VAMP7: variants seen among roughly 807,000 people sequenced by gnomAD.
VAMP7 encodes the protein vesicle associated membrane protein 7.
VAMP7 carries 14 observed loss-of-function variants against 29.6 expected under a neutral mutation model. That is an observed-to-expected ratio of 0.47 (90% CI 0.31 to 0.74). VAMP7 has a LOEUF of 0.74. Among genes scored for constraint, VAMP7 ranks in the 30% least tolerant of loss-of-function variants. VAMP7 has a pLI of 0.05. For missense variants in VAMP7, 223 were observed against 262.4 expected, an observed-to-expected ratio of 0.85 and a Z score of 1.04; for synonymous variants, 95 against 88.1, an observed-to-expected ratio of 1.08 and a Z score of -0.44.
At chrX:155,882,692 T>C (rs1029752444) in intron 1 of VAMP7, among the ~76,000 whole-genome samples, 1 of 152,214 alleles carries the variant, frequency 6.6e-6, no homozygotes, top group Non-Finnish European at 1.5e-5. Context: ...ATAGTTTGGT[T>C]GTGAAAATAT....
At chrX:155,938,899 G>T (rs1159552853) in intron 6 of VAMP7, among the ~76,000 whole-genome samples, 3 of 152,170 alleles carry the variant, frequency 2.0e-5, no homozygotes, top group African/African-American at 7.2e-5. Flanking sequence ...TTCATCTGTG[G>T]TAAATTGTAT....
intron 5 of VAMP7, among the ~76,000 whole-genome samples, chrX:155,903,120 T>G (rs1050466990): frequency 1.2e-4 from 19 of 152,222 alleles, no homozygotes; most frequent in East Asian, 3.9e-4. Context: ...GTCGAGGAAT[T>G]TATCCATTTC....
At chrX:155,934,404 T>G (rs776155239) in intron 6 of VAMP7, among the ~76,000 whole-genome samples, 2 of 152,318 alleles carry the variant, frequency 1.3e-5, no homozygotes, top group African/African-American at 4.8e-5. Context: ...TGCATAAATA[T>G]TTAGGATAGT....
intron 6 of VAMP7, among the ~76,000 whole-genome samples, chrX:155,930,216 C>T (rs2066527951): frequency 6.6e-6 from 1 of 152,172 alleles, no homozygotes; most frequent in African/African-American, 2.4e-5. Context: ...TGCCCTCTGG[C>T]TTGATCTCAG....
At position 155,941,900 on chromosome X, in the gene VAMP7, T is replaced by C. The variant is rs2066749039; in HGVS notation, c.612T>C (p.Ile204=). The change falls in exon 8 of 8, where the codon ATT becomes ATC. Residue 204 remains isoleucine (I), a synonymous_variant. Coordinates refer to ENST00000286448, the MANE Select transcript of VAMP7 (RefSeq NM_005638.6). ...IIVSIVFIYI[I]VSPLCGGFTW... Reference sequence around the variant, plus strand: ...CCCTCCAGGTGTTCATCTATATCATTGTTTCACCTCTCTGTGGTGGATTTA... The same window carrying C: ...CCCTCCAGGTGTTCATCTATATCATCGTTTCACCTCTCTGTGGTGGATTTA... 6.2e-7 allele frequency: 1 copy of C among 1,613,818 alleles called. No individual in the cohort carries two copies.
chrX:155,932,111 C>G (rs1279805177), intron 6 of VAMP7, among the ~76,000 whole-genome samples: 1 of 152,094 alleles, frequency 6.6e-6, no homozygotes, highest in African/African-American at 2.4e-5. Context: ...GTTACTGTAG[C>G]CTTGCAGTAT....
chrX:155,895,740 T>G, intron 3 of VAMP7, 60 bp downstream of exon 3: 1 of 1,498,594 alleles, frequency 6.7e-7, no homozygotes, highest in Non-Finnish European at 9.3e-7. Context: ...CAGCCAGTTC[T>G]TAATTATCTA....
chrX:155,912,536 G>A (rs2066252688), intron 5 of VAMP7, among the ~76,000 whole-genome samples: 1 of 150,544 alleles, frequency 6.6e-6, no homozygotes. Context: ...ACAGGCCCCA[G>A]TGTGTGATGT....
At chrX:155,898,490 T>C (rs1227183875) in intron 4 of VAMP7, among the ~76,000 whole-genome samples, 3 of 152,086 alleles carry the variant, frequency 2.0e-5, no homozygotes, top group African/African-American at 4.8e-5. Context: ...TGGAAGAGCA[T>C]TAAAGATCAT....
chrX:155,903,576 A>G (rs1332425692), intron 5 of VAMP7, among the ~76,000 whole-genome samples: 2 of 152,270 alleles, frequency 1.3e-5, no homozygotes, highest in Non-Finnish European at 2.9e-5. Flanking sequence ...AAAAGAAGAC[A>G]TTTATGCAGC....
intron 6 of VAMP7, among the ~76,000 whole-genome samples, chrX:155,927,770 T>TTG (rs1011724881): frequency 2.0e-5 from 3 of 151,762 alleles, no homozygotes; most frequent in African/African-American, 4.8e-5. Flanking sequence ...TGGCAGTTTT[T>TTG]TTTTTTTTTT....
intron 5 of VAMP7, among the ~76,000 whole-genome samples, chrX:155,903,144 A>G (rs891254220): frequency 7.2e-5 from 11 of 152,080 alleles, no homozygotes; most frequent in Non-Finnish European, 1.5e-4. Flanking sequence ...TAGATTTTCT[A>G]GTTTATTTGC....
At chrX:155,933,006 T>C (rs182558603) in intron 6 of VAMP7, among the ~76,000 whole-genome samples, 1 of 152,302 alleles carries the variant, frequency 6.6e-6, no homozygotes, top group East Asian at 1.9e-4. Flanking sequence ...GGATTACATT[T>C]ATTGATTTGT....
intron 5 of VAMP7, among the ~76,000 whole-genome samples, chrX:155,917,794 A>G (rs1247776489): frequency 1.3e-5 from 2 of 152,154 alleles, no homozygotes; most frequent in East Asian, 3.9e-4. Context: ...TCAGGGACCC[A>G]CTTGAGGAGG....
At chrX:155,939,642 A>C in intron 6 of VAMP7, 59 bp from the exon 7 acceptor site, 1 of 1,191,642 alleles carries the variant, frequency 8.4e-7, no homozygotes, top group Non-Finnish European at 1.3e-6. Flanking sequence ...TCAGGTTGTT[A>C]CTGCAAATCA....
At chrX:155,884,114 A>G (rs1271182958) in intron 1 of VAMP7, among the ~76,000 whole-genome samples, 2 of 152,000 alleles carry the variant, frequency 1.3e-5, no homozygotes, top group East Asian at 3.9e-4. Context: ...AAAAGCCTCA[A>G]GTATTAAAAT....
At chrX:155,937,217 A>AG (rs1278106578) in intron 6 of VAMP7, among the ~76,000 whole-genome samples, 3 of 152,162 alleles carry the variant, frequency 2.0e-5, no homozygotes, top group Non-Finnish European at 2.9e-5. Flanking sequence ...TCTAAAAAAA[A>AG]TGTTCAGTTC....
chrX:155,884,735 T>C lies in VAMP7; in HGVS notation c.-10+3287T>C, dbSNP rs1011882578. ...ATGTAGATGATCCAGAATATTCTTATACATTTTTCAGTGTTATCAAAATAC... is the reference window on the plus strand; with the variant it reads ...ATGTAGATGATCCAGAATATTCTTACACATTTTTCAGTGTTATCAAAATAC... On this transcript the variant is annotated intron_variant, in intron 1 of 7. Transcript: ENST00000286448. Among the ~76,000 whole-genome samples, 9 of 152,356 alleles carry C rather than the reference T, an allele frequency of 5.9e-5. No individual in the cohort carries two copies. The East Asian group carries it at 7.7e-4, about 13-fold the overall frequency.
At chrX:155,906,353 C>A (rs1341564307) in intron 5 of VAMP7, among the ~76,000 whole-genome samples, 1 of 152,082 alleles carries the variant, frequency 6.6e-6, no homozygotes, top group Admixed American at 6.6e-5. Context: ...AGTAATTTTC[C>A]ATCCTCTGAC....
Sources: allele counts gnomAD v4.1 joint callset (sites outside exome capture counted in the v4.1 genomes callset), GRCh38; gene constraint gnomAD v4.1.1; transcripts MANE v1.5; gene names NCBI Gene and HGNC (gene_info 2026-07-23, HGNC 2026-07-21).